ADNP: variants seen among roughly 807,000 people sequenced by gnomAD.
ADNP encodes activity dependent neuroprotector homeobox.
A neutral mutation model predicts 84.9 loss-of-function variants in ADNP; 4 were observed. That is an observed-to-expected ratio of 0.05 (90% CI 0.02 to 0.11). The LOEUF is 0.11. ADNP is among the 10% of genes least tolerant of loss of function. The pLI, the probability that ADNP is intolerant of heterozygous loss-of-function variation, is 1.00. For synonymous variants in ADNP, 554 were observed against 468.1 expected, an observed-to-expected ratio of 1.18 and a Z score of -2.37; for missense variants, 1,132 against 1,326.0, an observed-to-expected ratio of 0.85 and a Z score of 2.27.
intron 4 of ADNP, among the ~76,000 whole-genome samples, chr20:50,903,107 T>C (rs1230176096): frequency 1.3e-5 from 2 of 152,198 alleles, no homozygotes; most frequent in Non-Finnish European, 1.5e-5. Flanking sequence ...TGCTAGGTGC[T>C]GGGGCTAAAT....
At chr20:50,925,316 T>C (rs1018913253) in intron 2 of ADNP, among the ~76,000 whole-genome samples, 2 of 149,818 alleles carry the variant, frequency 1.3e-5, no homozygotes, top group Non-Finnish European at 3.0e-5. Flanking sequence ...GGCTCATATA[T>C]ACCAACTTGA....
At position 50,890,184 on chromosome 20, in the gene ADNP, T is replaced by C. The variant is rs1196939961; in HGVS notation, c.*1221A>G. 1 of 248,860 alleles carries C rather than the reference T, an allele frequency of 4.0e-6. No individual in the cohort carries two copies. Among genetic ancestry groups the C allele is most frequent in the Non-Finnish European group, 7.4e-6 (1 of 136,028 alleles). 15.4% of individuals were successfully genotyped at this position (248,860 alleles called of 1,614,324 possible). Reference sequence around the variant, plus strand: ...AAAGAAAAACAGATTTTGTACCAGGTGCCTCAAGAGAAAGCATTCTATTTG... The same window carrying C: ...AAAGAAAAACAGATTTTGTACCAGGCGCCTCAAGAGAAAGCATTCTATTTG... On this transcript the variant is annotated 3_prime_UTR_variant, in exon 6 of 6. Coordinates refer to ENST00000621696, the MANE Select transcript of ADNP (RefSeq NM_001282531.3).
At chr20:50,923,350 A>T (rs1204279636) in intron 2 of ADNP, among the ~76,000 whole-genome samples, 3 of 152,212 alleles carry the variant, frequency 2.0e-5, no homozygotes, top group Non-Finnish European at 4.4e-5. Context: ...GAGTAACAGA[A>T]TATTTAAACT....
intron 1 of ADNP, among the ~76,000 whole-genome samples, chr20:50,930,269 A>G (rs919318402): frequency 5.9e-5 from 9 of 152,162 alleles, no homozygotes. Context: ...TGTGGTCAGG[A>G]TAAGAGGAAA....
chr20:50,906,196 G>A lies in ADNP; in HGVS notation c.-89-1347C>T, dbSNP rs538914039. Among the ~76,000 whole-genome samples, 139 of 152,272 alleles carry A rather than the reference G, an allele frequency of 9.1e-4. 1 individual carries two copies. Among genetic ancestry groups the A allele is most frequent in the South Asian group, 2.7e-3 (13 of 4,826 alleles). ...CACTGCACTCCAGCATGGCGAGAGC[G>A]AGATTCCATCTCAAAAACAGACAAA... On this transcript the variant is annotated intron_variant, in intron 2 of 5. Transcript: ENST00000621696.
At position 50,918,750 on chromosome 20, in the gene ADNP, G is replaced by A. The variant is rs761271312; in HGVS notation, c.-90+9901C>T. ...AAATTTCAAATTACCTTCAGTTTCC[G>A]CTACAAAAGTAGAAGAACAAGAGGA... On this transcript the variant is annotated intron_variant, in intron 2 of 5. Coordinates refer to ENST00000621696, the MANE Select transcript of ADNP (RefSeq NM_001282531.3). Among the ~76,000 whole-genome samples the A allele has an allele frequency of 2.0e-4, 31 of 152,154 alleles. No homozygotes were observed. The highest frequency in any genetic ancestry group is 4.1e-4 in the South Asian group (2 of 4,836).
intron 2 of ADNP, among the ~76,000 whole-genome samples, chr20:50,919,285 TTAAGTGTATATATATATA>T (rs1376985162): frequency 3.3e-4 from 28 of 85,494 alleles, no homozygotes; most frequent in African/African-American, 2.1e-3. Context: ...ATACATATAT[TTAAGTGTATATATATATA>T]TATATATATA....
In ADNP at chr20:50,891,813, G is replaced by A. The variant is rs761180077; in HGVS notation, c.2901C>T (p.Asp967=). The A allele has an allele frequency of 3.1e-5, 50 of 1,614,086 alleles. No individual in the cohort carries two copies. The highest frequency in any genetic ancestry group is 4.4e-5 in the South Asian group (4 of 91,084). The change falls in exon 6 of 6, where the codon GAC becomes GAT. Residue 967 remains aspartate, a synonymous_variant. Transcript: ENST00000621696. ...VDQDDVVEWK[D]GASPSESGPG... Reference sequence around the variant, plus strand: ...GCCCACTCTCAGATGGAGAAGCACCGTCTTTCCACTCAACAACATCGTCTT... The same window carrying A: ...GCCCACTCTCAGATGGAGAAGCACCATCTTTCCACTCAACAACATCGTCTT...
intron 5 of ADNP, 65 bp from the exon 6 acceptor site, chr20:50,894,577 T>TC (rs1359998190): frequency 6.0e-5 from 89 of 1,491,744 alleles, no homozygotes; most frequent in East Asian, 1.4e-4. Context: ...AGATTCCAGA[T>TC]CCCCCCCGGA....
intron 5 of ADNP, among the ~76,000 whole-genome samples, chr20:50,896,569 C>T (rs1015226695): frequency 6.6e-6 from 1 of 151,502 alleles, no homozygotes; most frequent in Non-Finnish European, 1.5e-5. Flanking sequence ...CAAAAAAAAA[C>T]CAAAAACTTT....
At chr20:50,924,229 C>A (rs903514613) in intron 2 of ADNP, among the ~76,000 whole-genome samples, 1 of 152,212 alleles carries the variant, frequency 6.6e-6, no homozygotes, top group East Asian at 1.9e-4. Flanking sequence ...ACATAAACAA[C>A]GTTTCTTTTT....
intron 2 of ADNP, among the ~76,000 whole-genome samples, chr20:50,907,627 G>C (rs1289256698): frequency 6.6e-6 from 1 of 150,870 alleles, no homozygotes; most frequent in Middle Eastern, 3.2e-3. Flanking sequence ...TTTTCATCCA[G>C]GCTGGAGTGT....
chr20:50,920,950 T>C (rs1568742942), intron 2 of ADNP, among the ~76,000 whole-genome samples: 1 of 152,192 alleles, frequency 6.6e-6, no homozygotes, highest in African/African-American at 2.4e-5. Flanking sequence ...ACCCTACAGT[T>C]AGACAGATCT....
intron 2 of ADNP, among the ~76,000 whole-genome samples, chr20:50,921,711 G>A (rs1050923293): frequency 1.3e-5 from 2 of 152,208 alleles, no homozygotes; most frequent in Admixed American, 1.3e-4. Flanking sequence ...ACAAACAGAG[G>A]GAAGATGATG....
rs533508523 is a variant in ADNP at position 50,889,539 on chromosome 20, C to T, written c.*1866G>A. 4.5e-6 allele frequency: 1 copy of T among 224,068 alleles called. No homozygotes were observed. Among genetic ancestry groups the T allele is most frequent in the South Asian group, 1.8e-4 (1 of 5,450 alleles). 13.9% of individuals were successfully genotyped at this position (224,068 alleles called of 1,614,324 possible). ...TCCTGTACTGTTGTTGAGAAGCTTA[C>T]ATTTTAGGGAGAGGCTGGTCAAATC... is the stretch of plus-strand genomic sequence containing the variant. On this transcript the variant is annotated 3_prime_UTR_variant, in exon 6 of 6. Coordinates refer to ENST00000621696, the MANE Select transcript of ADNP (RefSeq NM_001282531.3).
intron 5 of ADNP, among the ~76,000 whole-genome samples, chr20:50,896,695 G>A (rs948967284): frequency 3.3e-5 from 5 of 152,178 alleles, no homozygotes; most frequent in African/African-American, 1.2e-4. Context: ...TCCCACTGGA[G>A]GGTCTTCAGG....
intron 2 of ADNP, among the ~76,000 whole-genome samples, chr20:50,922,445 T>C (rs1460277230): frequency 1.3e-5 from 2 of 152,040 alleles, no homozygotes; most frequent in East Asian, 1.9e-4. Context: ...GAAACACTTA[T>C]GTTTACCGGT....
At chr20:50,899,900 A>G (rs1981794766) in intron 5 of ADNP, among the ~76,000 whole-genome samples, 1 of 147,206 alleles carries the variant, frequency 6.8e-6, no homozygotes, top group African/African-American at 2.6e-5. Context: ...AGCGGTAGCA[A>G]GATTCATTAT....
chr20:50,897,927 T>C (rs927007810), intron 5 of ADNP, among the ~76,000 whole-genome samples: 1 of 152,214 alleles, frequency 6.6e-6, no homozygotes, highest in Admixed American at 6.5e-5. Flanking sequence ...TCTCCTGCAG[T>C]GCACTGGCCA....
Sources: allele counts gnomAD v4.1 joint callset (sites outside exome capture counted in the v4.1 genomes callset), GRCh38; gene constraint gnomAD v4.1.1; transcripts MANE v1.5; gene names NCBI Gene and HGNC (gene_info 2026-07-23, HGNC 2026-07-21).